KIAA1217: variants seen among roughly 807,000 people sequenced by gnomAD.
KIAA1217 encodes the protein sickle tail protein homolog.
KIAA1217 carries 88 observed loss-of-function variants against 163.9 expected under a neutral mutation model. The ratio of observed to expected loss-of-function variants is 0.54; its 90% CI spans 0.45 to 0.64. The LOEUF (loss-of-function observed/expected upper bound fraction) is 0.64, where lower values mean the gene tolerates loss of function less well. Among genes scored for constraint, KIAA1217 ranks in the 30% least tolerant of loss-of-function variants. The pLI is 0.00. For missense variants in KIAA1217, 2,372 were observed against 2,475.0 expected (o/e 0.96, Z 0.88); for synonymous variants, 903 against 923.1 (o/e 0.98, Z 0.39).
At chr10:24,216,574 C>T (rs2130789604) in intron 1 of KIAA1217, among the ~76,000 whole-genome samples, 1 of 152,070 alleles carries the variant, frequency 6.6e-6, no homozygotes, top group Admixed American at 6.5e-5. Flanking sequence ...TACTTGTAAT[C>T]CCGGCACTTT....
chr10:24,024,349 T>A (rs1217076934), intron 2 of KIAA1217, among the ~76,000 whole-genome samples: 1 of 151,642 alleles, frequency 6.6e-6, no homozygotes. Flanking sequence ...AGTTGGGTAG[T>A]CTTTTGTGTT....
chr10:23,877,432 A>C (rs1840748019), intron 1 of KIAA1217: 1 of 151,964 alleles, frequency 6.6e-6, no homozygotes, highest in Non-Finnish European at 1.5e-5. Flanking sequence ...CCTCGGTTTA[A>C]TGCTGTCCAC....
At chr10:23,900,468 G>A (rs1183101880) in intron 1 of KIAA1217, among the ~76,000 whole-genome samples, 1 of 151,922 alleles carries the variant, frequency 6.6e-6, no homozygotes, top group African/African-American at 2.4e-5. Context: ...ATATGAGACA[G>A]TCTCAAACAA....
intron 1 of KIAA1217, among the ~76,000 whole-genome samples, chr10:23,809,239 C>T (rs1228301484): frequency 2.0e-5 from 3 of 151,814 alleles, no homozygotes; most frequent in Non-Finnish European, 4.4e-5. Flanking sequence ...AAACATTTAA[C>T]AATGGATATT....
intron 1 of KIAA1217, among the ~76,000 whole-genome samples, chr10:23,787,816 AT>A (rs926192179): frequency 2.1e-4 from 31 of 149,202 alleles, no homozygotes; most frequent in South Asian, 8.4e-4. Context: ...TTTGGAGCAT[AT>A]TTTTTTTTTA....
chr10:24,199,165 G>A (rs966220929), intron 2 of KIAA1217, among the ~76,000 whole-genome samples: 2 of 152,176 alleles, frequency 1.3e-5, no homozygotes, highest in South Asian at 4.1e-4. Context: ...GGAGGAGTTT[G>A]GGGCTGCAGT....
At chr10:24,385,632 C>G (rs1434953618) in intron 3 of KIAA1217, among the ~76,000 whole-genome samples, 1 of 152,178 alleles carries the variant, frequency 6.6e-6, no homozygotes, top group African/African-American at 2.4e-5. Flanking sequence ...TTCCAACAAC[C>G]TATCGTGTCT....
intron 3 of KIAA1217, among the ~76,000 whole-genome samples, chr10:24,388,330 T>C (rs975341800): frequency 6.6e-6 from 1 of 152,224 alleles, no homozygotes; most frequent in Admixed American, 6.5e-5. Flanking sequence ...ATTTAATAAA[T>C]GGTGCCGGGA....
intron 1 of KIAA1217, among the ~76,000 whole-genome samples, chr10:23,923,927 G>C (rs1245994820): frequency 6.6e-6 from 1 of 152,112 alleles, no homozygotes; most frequent in Non-Finnish European, 1.5e-5. Flanking sequence ...TGTAGGATTA[G>C]GAAGTAGCTT....
At chr10:23,926,339 G>C (rs1272864250) in intron 1 of KIAA1217, among the ~76,000 whole-genome samples, 1 of 152,160 alleles carries the variant, frequency 6.6e-6, no homozygotes, top group Admixed American at 6.5e-5. Flanking sequence ...CTTTGAAACA[G>C]GATTAATACA....
At chr10:24,277,874 G>A (rs894387604) in intron 2 of KIAA1217, among the ~76,000 whole-genome samples, 1 of 152,226 alleles carries the variant, frequency 6.6e-6, no homozygotes. Context: ...CTCACCCTCT[G>A]ACGGGCAAAA....
At chr10:24,295,342 G>A (rs1370347525) in intron 2 of KIAA1217, among the ~76,000 whole-genome samples, 1 of 152,136 alleles carries the variant, frequency 6.6e-6, no homozygotes, top group Admixed American at 6.6e-5. Context: ...GGAAAAGATG[G>A]ATCATTATTC....
chr10:24,348,381 G>C (rs1258531387), intron 2 of KIAA1217, among the ~76,000 whole-genome samples: 1 of 150,640 alleles, frequency 6.6e-6, no homozygotes, highest in Non-Finnish European at 1.5e-5. Flanking sequence ...AGAATTACCA[G>C]TAAGTATACT....
At chr10:23,799,767 A>G (rs1390560718) in intron 1 of KIAA1217, among the ~76,000 whole-genome samples, 1 of 152,182 alleles carries the variant, frequency 6.6e-6, no homozygotes, top group East Asian at 1.9e-4. Flanking sequence ...TATTAAGAGA[A>G]ACCTAGCAGC....
At chr10:23,896,716 G>A (rs1200497035) in intron 1 of KIAA1217, among the ~76,000 whole-genome samples, 2 of 152,070 alleles carry the variant, frequency 1.3e-5, no homozygotes, top group African/African-American at 4.8e-5. Context: ...AGCCAAACTT[G>A]GATGACACTT....
intron 2 of KIAA1217, among the ~76,000 whole-genome samples, chr10:24,106,351 A>G (rs1380816697): frequency 6.6e-6 from 1 of 152,054 alleles, no homozygotes; most frequent in Non-Finnish European, 1.5e-5. Context: ...CTTTAAAAAG[A>G]GAGGGTAAGA....
At chr10:24,401,673 G>A (rs2056542239) in intron 3 of KIAA1217, among the ~76,000 whole-genome samples, 1 of 152,160 alleles carries the variant, frequency 6.6e-6, no homozygotes, top group Non-Finnish European at 1.5e-5. Flanking sequence ...GAACAGCCAG[G>A]AGTGTCTGAT....
At chr10:24,323,182 C>A (rs1453210687) in intron 2 of KIAA1217, among the ~76,000 whole-genome samples, 1 of 152,144 alleles carries the variant, frequency 6.6e-6, no homozygotes, top group Non-Finnish European at 1.5e-5. Context: ...TCTTGAACTC[C>A]CGACCTCAAG....
chr10:24,268,429 A>T (rs1193479108), intron 2 of KIAA1217, among the ~76,000 whole-genome samples: 1 of 152,132 alleles, frequency 6.6e-6, no homozygotes, highest in East Asian at 1.9e-4. Context: ...AAAAGAAGAC[A>T]TTTATGCAGC....
Sources: allele counts gnomAD v4.1 joint callset (sites outside exome capture counted in the v4.1 genomes callset), GRCh38; gene constraint gnomAD v4.1.1; transcripts MANE v1.5; gene names NCBI Gene and HGNC (gene_info 2026-07-23, HGNC 2026-07-21).